The following IMPDH2 variants were observed in gnomAD, a reference collection of about 807,000 sequenced individuals.
The protein encoded by IMPDH2 is inosine-5'-monophosphate dehydrogenase 2.
IMPDH2 carries 33 observed loss-of-function variants against 57.8 expected under a neutral mutation model. The observed-to-expected ratio is 0.57, with a 90% CI of 0.43 to 0.76. IMPDH2 has a LOEUF of 0.76. Ranked by LOEUF, IMPDH2 falls within the 30% of genes least tolerant of loss-of-function variation. IMPDH2 has a pLI of 0.00. For missense variants in IMPDH2, 446 were observed against 659.1 expected (o/e 0.68, Z 3.54); for synonymous variants, 270 against 241.3 (o/e 1.12, Z -1.10).
chr3:49,027,609 C>G, intron 5 of IMPDH2, 101 bp downstream of exon 5: 1 of 1,019,706 alleles, frequency 9.8e-7, no homozygotes, highest in Non-Finnish European at 1.5e-6. Context: ...ACACTCCTTT[C>G]CCAGAGAGAA....
rs746384431 is a variant in IMPDH2 at position 49,026,112 on chromosome 3, G to C, written c.1006+212C>G. 1.8e-5 allele frequency: 12 copies of C among 674,122 alleles called. 1 individual carries two copies. Among genetic ancestry groups the C allele is most frequent in the South Asian group, 1.7e-4 (11 of 66,504 alleles). The allele number at this position is 674,122 out of a possible 1,614,324, so 41.8% of individuals were successfully genotyped here. On this transcript the variant is annotated intron_variant, in intron 9 of 13. Transcript: ENST00000326739. Reference sequence around the variant, plus strand: ...AGAGTTTAGAGAAGGTGCAGAGCAGGAGCAAGAAGGCCAGGCTAGGCAAGG... The same window carrying C: ...AGAGTTTAGAGAAGGTGCAGAGCAGCAGCAAGAAGGCCAGGCTAGGCAAGG...
At chr3:49,025,377 C>T (rs1466729011) in intron 9 of IMPDH2, 108 bp from the exon 10 acceptor site, 1 of 1,202,812 alleles carries the variant, frequency 8.3e-7, no homozygotes, top group Non-Finnish European at 1.2e-6. Context: ...TGCATCAGGA[C>T]TGCAGCTTGG....
At chr3:49,025,090 G>A (rs145549892) in intron 10 of IMPDH2, 36 bp downstream of exon 10, 2 of 1,614,100 alleles carry the variant, frequency 1.2e-6, no homozygotes, top group African/African-American at 2.7e-5. Flanking sequence ...CACTAGGGAG[G>A]GGGTCCCACT....
chr3:49,025,168 C>T lies in IMPDH2; in HGVS notation c.1108G>A (p.Val370Met), dbSNP rs753646480. The change falls in exon 10 of 14, where the codon GTG (valine) becomes ATG (methionine). Residue 370 changes from valine (V) to methionine (M), a missense_variant. By Grantham distance (21) the Val-to-Met change is conservative. Transcript: ENST00000326739. Reference protein sequence around the residue: ...PVIADGGIQNVGHIAKALALG... With the variant: ...PVIADGGIQNMGHIAKALALG... The stretch of plus-strand genomic sequence containing the variant: ...GCCAAGGCTTTCGCAATATGACCCA[C>T]ATTTTGGATTCCTCCATCAGCAATG... The T allele has an allele frequency of 1.8e-5, 29 of 1,614,256 alleles. No individual in the cohort carries two copies. The highest frequency in any genetic ancestry group is 2.1e-5 in the Non-Finnish European group (25 of 1,180,034).
chr3:49,028,588 T>A, intron 2 of IMPDH2, 56 bp from the exon 3 acceptor site: 2 of 1,448,766 alleles, frequency 1.4e-6, no homozygotes, highest in Non-Finnish European at 1.9e-6. Flanking sequence ...CTCAAGGTGT[T>A]ACTGAGTCCC....
At chr3:49,024,613 G>A (rs1457404036) in intron 12 of IMPDH2, 35 bp from the exon 13 acceptor site, 3 of 1,614,178 alleles carry the variant, frequency 1.9e-6, no homozygotes, top group South Asian at 1.1e-5. Flanking sequence ...TGGGTAGCTG[G>A]CCCTGGACCA....
intron 1 of IMPDH2, 31 bp downstream of exon 1, chr3:49,029,222 C>G (rs1344535821): frequency 1.3e-6 from 2 of 1,538,354 alleles, no homozygotes; most frequent in Non-Finnish European, 1.8e-6. Flanking sequence ...CCGCCCCTCT[C>G]TTCGCCCAGG....
Position 49,024,357 on chromosome 3 carries a change from A to C in IMPDH2, c.*26T>G, listed in dbSNP as rs200887858. 21 of 1,613,702 alleles carry C rather than the reference A, an allele frequency of 1.3e-5. No individual in the cohort carries two copies. The highest frequency in any genetic ancestry group is 1.6e-5 in the Non-Finnish European group (19 of 1,179,840). Reference sequence around the variant, plus strand: ...TTTCTAAACTTTTATTGAAAAAAAAACCGAGGAGGTGTGCTGGATCCCTTT... The same window carrying C: ...TTTCTAAACTTTTATTGAAAAAAAACCCGAGGAGGTGTGCTGGATCCCTTT... On this transcript the variant is annotated 3_prime_UTR_variant, in exon 14 of 14. Transcript: ENST00000326739.
rs767411165 is a variant in IMPDH2, at chr3:49,029,383, G to A, written c.-33C>T. 9.7e-6 allele frequency: 14 copies of A among 1,447,244 alleles called. No individual in the cohort carries two copies. The highest frequency in any genetic ancestry group is 1.7e-4 in the Middle Eastern group (1 of 5,792). 89.7% of individuals were successfully genotyped at this position (1,447,244 alleles called of 1,614,324 possible). On this transcript the variant is annotated 5_prime_UTR_variant, in exon 1 of 14. Transcript: ENST00000326739. ...ACAGGACACCGCCGCGTGTCTCCGA[G>A]GACCGCGCCGCAGAGACCTCTGCCG...
Position 49,027,738 on chromosome 3 carries a change from T to A in IMPDH2, c.503A>T (p.Glu168Val). The change falls in exon 5 of 14, where the codon GAG becomes GTG. Residue 168 changes from glutamate (E) to valine (V), a missense_variant. Physicochemically the swap from Glu to Val is moderately radical, Grantham distance 121. Transcript: ENST00000326739. ...ISSRDIDFLKEEEHDCFLEEI... is the reference protein window; with the variant it reads ...ISSRDIDFLKVEEHDCFLEEI... ...TTCCAAGAAACAGTCATGTTCCTCC[T>A]CTTTGAGAAAATCAATGTCCCTGGA... The A allele has an allele frequency of 6.2e-7, 1 of 1,614,194 alleles. No homozygotes were observed. Among genetic ancestry groups the A allele is most frequent in the South Asian group, 1.1e-5 (1 of 91,090 alleles).
chr3:49,026,652 C>T (rs2093200817), intron 7 of IMPDH2, 35 bp downstream of exon 7: 1 of 1,611,852 alleles, frequency 6.2e-7, no homozygotes, highest in Non-Finnish European at 8.5e-7. Context: ...TGGCAGCTGC[C>T]CCTATTGCCC....
intron 9 of IMPDH2, 87 bp downstream of exon 9, chr3:49,026,237 C>G (rs930815376): frequency 9.8e-7 from 1 of 1,024,834 alleles, no homozygotes; most frequent in African/African-American, 1.6e-5. Flanking sequence ...TTGGAGGGCT[C>G]TATTGTCCCC....
At chr3:49,029,031 A>T (rs564488663) in intron 1 of IMPDH2, 1 of 644,232 alleles carries the variant, frequency 1.6e-6, no homozygotes, top group South Asian at 1.8e-5. Context: ...ATGTGTCTGG[A>T]GCATGGAATC....
At chr3:49,025,726 G>T (rs1440583591) in intron 9 of IMPDH2, among the ~76,000 whole-genome samples, 1 of 152,216 alleles carries the variant, frequency 6.6e-6, no homozygotes, top group East Asian at 1.9e-4. Flanking sequence ...GGAGAGCAAG[G>T]ACCACACAAA....
intron 4 of IMPDH2, 97 bp from the exon 5 acceptor site, chr3:49,028,013 G>A: frequency 4.9e-6 from 5 of 1,018,910 alleles, no homozygotes; most frequent in South Asian, 2.8e-5. Flanking sequence ...GATCCCTTTG[G>A]CAGTGCCACA....
chr3:49,028,214 A>T lies in IMPDH2; in HGVS notation c.324+34T>A, dbSNP rs376040705. On this transcript the variant is annotated intron_variant, in intron 4 of 13. Transcript: ENST00000326739. The stretch of plus-strand genomic sequence containing the variant: ...CCCACCCCACCTCAGTGCAATTCCC[A>T]GGAGCGCTTGCTAATGATCGTTGCC... The T allele has an allele frequency of 3.2e-6, 5 of 1,544,302 alleles. No homozygotes were observed. The African/African-American group carries it at 5.4e-5, about 17-fold the overall frequency.
intron 9 of IMPDH2, chr3:49,026,048 G>A (rs764561715): frequency 1.6e-5 from 9 of 554,840 alleles, no homozygotes; most frequent in Admixed American, 2.2e-5. Flanking sequence ...CTTTATGTCT[G>A]GAGGGATCTT....
chr3:49,028,638 G>T, intron 2 of IMPDH2, 106 bp from the exon 3 acceptor site: 1 of 1,301,966 alleles, frequency 7.7e-7, no homozygotes, highest in Non-Finnish European at 1.1e-6. Flanking sequence ...ATGCTAACAA[G>T]CAACATGATC....
intron 1 of IMPDH2, 28 bp downstream of exon 1, chr3:49,029,225 C>T: frequency 6.5e-7 from 1 of 1,544,540 alleles, no homozygotes; most frequent in Non-Finnish European, 8.8e-7. Flanking sequence ...CCCCTCTCTT[C>T]GCCCAGGTGA....
Sources: gnomAD v4.1 joint callset for allele counts (sites outside exome capture counted in the v4.1 genomes callset) on GRCh38, gnomAD v4.1.1 for gene constraint, MANE v1.5 for transcripts, NCBI Gene and HGNC (gene_info 2026-07-23, HGNC 2026-07-21) for gene names.